ARMH3: variants seen among roughly 807,000 people sequenced by gnomAD.
The protein encoded by ARMH3 is armadillo-like helical domain-containing protein 3.
In ARMH3, 60 loss-of-function variants were observed where a neutral mutation model predicts 99.1. The ratio of observed to expected loss-of-function variants is 0.61; its 90% CI spans 0.49 to 0.75. ARMH3 has a LOEUF of 0.75. ARMH3 is among the 30% of genes least tolerant of loss of function. ARMH3 has a pLI of 0.00. For missense variants in ARMH3, 679 were observed against 843.1 expected, an observed-to-expected ratio of 0.81 and a Z score of 2.41; for synonymous variants, 285 against 292.8, an observed-to-expected ratio of 0.97 and a Z score of 0.27.
chr10:101,901,547 CCACT>C (rs1465356171), intron 23 of ARMH3, among the ~76,000 whole-genome samples: 2 of 152,176 alleles, frequency 1.3e-5, no homozygotes, highest in East Asian at 1.9e-4. Flanking sequence ...GCTCACCCAC[CCACT>C]GTGACAGAGA....
intron 24 of ARMH3, among the ~76,000 whole-genome samples, chr10:101,878,963 T>C (rs1286103012): frequency 1.3e-5 from 2 of 152,246 alleles, no homozygotes; most frequent in Non-Finnish European, 2.9e-5. Context: ...GTTACCATAC[T>C]GTGCCAGGAT....
At chr10:101,972,849 A>C (rs2135909697) in intron 20 of ARMH3, among the ~76,000 whole-genome samples, 1 of 152,278 alleles carries the variant, frequency 6.6e-6, no homozygotes, top group Middle Eastern at 3.4e-3. Context: ...GGACACTCAT[A>C]TATACTTCCC....
intron 23 of ARMH3, among the ~76,000 whole-genome samples, chr10:101,906,431 T>C (rs1842639631): frequency 6.6e-6 from 1 of 152,186 alleles, no homozygotes; most frequent in South Asian, 2.1e-4. Flanking sequence ...AATTGAATAG[T>C]GGCTGCTATA....
At chr10:101,864,443 C>T (rs2066951868) in intron 24 of ARMH3, among the ~76,000 whole-genome samples, 1 of 152,134 alleles carries the variant, frequency 6.6e-6, no homozygotes, top group African/African-American at 2.4e-5. Context: ...CACATGCACA[C>T]GTATGTTTAT....
chr10:101,898,710 G>A (rs2067903098), intron 23 of ARMH3, among the ~76,000 whole-genome samples: 1 of 152,170 alleles, frequency 6.6e-6, no homozygotes, highest in African/African-American at 2.4e-5. Context: ...ACACATATAT[G>A]TATGTATATG....
intron 4 of ARMH3, 68 bp downstream of exon 4, chr10:102,032,953 CTCAGT>C: frequency 6.5e-7 from 1 of 1,535,368 alleles, no homozygotes; most frequent in Non-Finnish European, 8.8e-7. Context: ...CTCTAGGTTC[CTCAGT>C]TCAAACAGAT....
chr10:101,917,619 G>C (rs1229326180), intron 23 of ARMH3, among the ~76,000 whole-genome samples: 4 of 152,092 alleles, frequency 2.6e-5, no homozygotes, highest in African/African-American at 9.7e-5. Flanking sequence ...CTGCTGGAAG[G>C]TCTACTTTGG....
chr10:101,960,550 C>T (rs956383678), intron 20 of ARMH3, among the ~76,000 whole-genome samples: 2 of 152,132 alleles, frequency 1.3e-5, no homozygotes. Context: ...GGTGACTAAG[C>T]TGGGACTAGG....
chr10:101,901,277 C>T (rs560979198), intron 23 of ARMH3, among the ~76,000 whole-genome samples: 2 of 149,508 alleles, frequency 1.3e-5, no homozygotes, highest in Admixed American at 6.8e-5. Context: ...CCATATGGAT[C>T]ACGTACTGGT....
At chr10:101,998,225 T>C (rs920777270) in intron 15 of ARMH3, among the ~76,000 whole-genome samples, 2 of 152,218 alleles carry the variant, frequency 1.3e-5, no homozygotes, top group Non-Finnish European at 2.9e-5. Flanking sequence ...CTAGGTCACA[T>C]CCATGCAGTG....
At chr10:102,055,169 A>T (rs1334368019) in intron 1 of ARMH3, among the ~76,000 whole-genome samples, 1 of 151,858 alleles carries the variant, frequency 6.6e-6, no homozygotes, top group Non-Finnish European at 1.5e-5. Context: ...CAAAAATATA[A>T]AATTAGCTGG....
intron 23 of ARMH3, among the ~76,000 whole-genome samples, chr10:101,921,158 G>A (rs1843292168): frequency 6.6e-6 from 1 of 152,100 alleles, no homozygotes; most frequent in Non-Finnish European, 1.5e-5. Context: ...TCTTAAAAAC[G>A]TTTTTTAAAA....
At position 102,019,066 on chromosome 10, in the gene ARMH3, T is replaced by C. The variant is rs184816517; in HGVS notation, c.669+4411A>G. Among the ~76,000 whole-genome samples the C allele has an allele frequency of 5.3e-5, 8 of 152,328 alleles. No homozygotes were observed. The East Asian group carries it at 1.5e-3, about 29-fold the overall frequency. On this transcript the variant is annotated intron_variant, in intron 8 of 25. Coordinates refer to ENST00000370033, the MANE Select transcript of ARMH3 (RefSeq NM_024541.3). Reference sequence around the variant, plus strand: ...ATTTACTATACTATACTTTTTTTTTTGAGATGGAATTTTGCTCTTTCACTC... The same window carrying C: ...ATTTACTATACTATACTTTTTTTTTCGAGATGGAATTTTGCTCTTTCACTC...
At chr10:102,002,351 T>C (rs1474568750) in intron 14 of ARMH3, among the ~76,000 whole-genome samples, 1 of 152,100 alleles carries the variant, frequency 6.6e-6, no homozygotes, top group African/African-American at 2.4e-5. Context: ...AAGGGTATGT[T>C]GATTCCACTT....
chr10:101,904,802 A>ATT (rs1368351107), intron 23 of ARMH3, among the ~76,000 whole-genome samples: 2 of 151,986 alleles, frequency 1.3e-5, no homozygotes, highest in African/African-American at 4.8e-5. Context: ...AAATACAAAA[A>ATT]TTAGCTGGGT....
chr10:101,895,880 A>G (rs995542331), intron 23 of ARMH3, among the ~76,000 whole-genome samples: 1 of 152,258 alleles, frequency 6.6e-6, no homozygotes, highest in Non-Finnish European at 1.5e-5. Flanking sequence ...TGAATAGACA[A>G]GAACAGATAC....
chr10:101,937,604 T>C (rs1315472112), intron 23 of ARMH3, among the ~76,000 whole-genome samples: 1 of 151,840 alleles, frequency 6.6e-6, no homozygotes, highest in Admixed American at 6.6e-5. Context: ...TTCCACAATA[T>C]ACAACATCTT....
chr10:101,862,135 T>C (rs1334578060), intron 24 of ARMH3, among the ~76,000 whole-genome samples: 1 of 148,846 alleles, frequency 6.7e-6, no homozygotes. Flanking sequence ...TAAAGAGCAC[T>C]AGAAATAGTA....
chr10:101,952,849 G>A (rs1197022880), intron 22 of ARMH3: 1 of 152,128 alleles, frequency 6.6e-6, no homozygotes, highest in Non-Finnish European at 1.5e-5. Flanking sequence ...AAAGCCCCTG[G>A]TAATCATCAT....
Sources: allele counts gnomAD v4.1 joint callset (sites outside exome capture counted in the v4.1 genomes callset), GRCh38; gene constraint gnomAD v4.1.1; transcripts MANE v1.5; gene names NCBI Gene and HGNC (gene_info 2026-07-23, HGNC 2026-07-21).